EIF2AK2: variants seen among roughly 807,000 people sequenced by gnomAD.
EIF2AK2 encodes the protein eukaryotic translation initiation factor 2 alpha kinase 2.
A neutral mutation model predicts 70.5 loss-of-function variants in EIF2AK2; 40 were observed. That is an observed-to-expected ratio of 0.57 (90% CI 0.44 to 0.74). The LOEUF is 0.74. Among genes scored for constraint, EIF2AK2 ranks in the 30% least tolerant of loss-of-function variants. EIF2AK2 has a pLI of 0.00. For synonymous variants in EIF2AK2, 198 were observed against 220.9 expected (o/e 0.90, Z 0.92); for missense variants, 555 against 644.3 (o/e 0.86, Z 1.50).
At chr2:37,121,616 G>C (rs969109754) in intron 12 of EIF2AK2, among the ~76,000 whole-genome samples, 4 of 132,984 alleles carry the variant, frequency 3.0e-5, no homozygotes, top group Non-Finnish European at 4.7e-5. Context: ...TTGGAGGCTT[G>C]ATTTTTTTTT....
At position 37,138,579 on chromosome 2, in the gene EIF2AK2, C is replaced by A. The variant is rs1487152405; in HGVS notation, c.523G>T (p.Asp175Tyr). The change falls in exon 7 of 17, where the codon GAC becomes TAC. Residue 175 changes from aspartate (D) to tyrosine (Y), a missense_variant. Around this residue, in one of 3 missense-constraint regions of EIF2AK2, gnomAD observed 208 missense variants for 191.8 expected, o/e 1.08. Transcript: ENST00000233057. ...GCAAAAGAACCAGAGGACAGGTAGT[C>A]AGATTTCTGAAAGAAAAAGTATCCC... ...ILSEETSVKS[D>Y]YLSSGSFATT... 4.3e-6 allele frequency: 7 copies of A among 1,613,904 alleles called. No homozygotes were observed. Among genetic ancestry groups the A allele is most frequent in the Admixed American group, 3.3e-5 (2 of 59,980 alleles).
At chr2:37,114,644 G>A in intron 14 of EIF2AK2, 87 bp downstream of exon 14, 1 of 1,257,890 alleles carries the variant, frequency 7.9e-7, no homozygotes, top group Non-Finnish European at 1.0e-6. Context: ...CTTCTGTACA[G>A]TTTTAATTAT....
At chr2:37,135,647 G>C in intron 9 of EIF2AK2, 101 bp from the exon 10 acceptor site, 1 of 1,098,024 alleles carries the variant, frequency 9.1e-7, no homozygotes, top group Non-Finnish European at 1.3e-6. Flanking sequence ...TTTTTCTTCA[G>C]AGGCAAGGTC....
intron 8 of EIF2AK2, among the ~76,000 whole-genome samples, chr2:37,137,404 C>A (rs139885148): frequency 3.3e-5 from 5 of 152,142 alleles, no homozygotes; most frequent in African/African-American, 1.2e-4. Context: ...ACACTAATCA[C>A]CAAAAGCATG....
rs144979635 is a variant in EIF2AK2 at position 37,154,382 on chromosome 2, G to A, written c.-184+2526C>T. ...AAAAAAACATCAATTCAATCATGCA[G>A]TCTCCACAAGCCACTGAAATTGTTT... On this transcript the variant is annotated intron_variant, in intron 1 of 16. Coordinates refer to ENST00000233057, the MANE Select transcript of EIF2AK2 (RefSeq NM_001135651.3). Among the ~76,000 whole-genome samples, 770 of 151,934 alleles carry A rather than the reference G, an allele frequency of 5.1e-3. 6 individuals are homozygous for A. The highest frequency in any genetic ancestry group is 7.2e-3 in the Non-Finnish European group (492 of 67,958).
chr2:37,121,609 GA>G (rs145383962), intron 12 of EIF2AK2, among the ~76,000 whole-genome samples: 1 of 149,660 alleles, frequency 6.7e-6, no homozygotes, highest in African/African-American at 2.5e-5. Context: ...ACATAAATTG[GA>G]GGCTTGATTT....
At chr2:37,128,358 A>G (rs1674817613) in intron 10 of EIF2AK2, among the ~76,000 whole-genome samples, 1 of 152,182 alleles carries the variant, frequency 6.6e-6, no homozygotes, top group Admixed American at 6.5e-5. Context: ...AAGTGGATCA[A>G]TTCTAATTCC....
chr2:37,100,038 G>T lies in EIF2AK2; in HGVS notation c.*7235C>A, dbSNP rs1673787341. The T allele has an allele frequency of 1.3e-5, 2 of 152,152 alleles. No homozygotes were observed. Among genetic ancestry groups the T allele is most frequent in the African/African-American group, 4.8e-5 (2 of 41,432 alleles). The allele number at this position is 152,152 out of a possible 1,614,324, so 9.4% of individuals were successfully genotyped here. ...GGTTTCTTTTGGGGGTGAGAAAAATGATAGTTGCACAACTCTGAATATAGT... is the reference window on the plus strand; with the variant it reads ...GGTTTCTTTTGGGGGTGAGAAAAATTATAGTTGCACAACTCTGAATATAGT... On this transcript the variant is annotated 3_prime_UTR_variant, in exon 17 of 17. Coordinates refer to ENST00000233057, the MANE Select transcript of EIF2AK2 (RefSeq NM_001135651.3).
At chr2:37,123,622 A>C (rs1674631551) in intron 11 of EIF2AK2, among the ~76,000 whole-genome samples, 2 of 152,180 alleles carry the variant, frequency 1.3e-5, no homozygotes, top group Non-Finnish European at 2.9e-5. Context: ...ATTTGTGTTA[A>C]AATCTTTGTA....
intron 9 of EIF2AK2, 27 bp from the exon 10 acceptor site, chr2:37,135,573 C>G: frequency 6.4e-7 from 1 of 1,573,420 alleles, no homozygotes; most frequent in Non-Finnish European, 8.7e-7. Context: ...GAATGTAAAA[C>G]TCAAATAAAA....
intron 12 of EIF2AK2, 88 bp from the exon 13 acceptor site, chr2:37,120,227 CT>C: frequency 1.1e-6 from 1 of 936,364 alleles, no homozygotes; most frequent in Non-Finnish European, 1.4e-6. Flanking sequence ...TTTTTCATAA[CT>C]TTTTAAAAGC....
chr2:37,152,839 T>A (rs1397297439), intron 1 of EIF2AK2, among the ~76,000 whole-genome samples: 1 of 152,228 alleles, frequency 6.6e-6, no homozygotes, highest in Non-Finnish European at 1.5e-5. Flanking sequence ...GTACTGCATG[T>A]ATGATCTTCT....
chr2:37,100,368 T>C lies in EIF2AK2; in HGVS notation c.*6905A>G, dbSNP rs923326289. On this transcript the variant is annotated 3_prime_UTR_variant, in exon 17 of 17. Coordinates refer to ENST00000233057, the MANE Select transcript of EIF2AK2 (RefSeq NM_001135651.3). ...CCAGAACAGAAAGAGAATAAATGTG[T>C]GTTGTTTTAAACCACCAAGTTTGTG... 1.3e-5 allele frequency: 2 copies of C among 152,202 alleles called. No individual in the cohort carries two copies. The highest frequency in any genetic ancestry group is 3.9e-4 in the East Asian group (2 of 5,192). 9.4% of individuals were successfully genotyped at this position (152,202 alleles called of 1,614,324 possible).
At position 37,121,080 on chromosome 2, in the gene EIF2AK2, G is replaced by A. The variant is rs1242429651; in HGVS notation, c.1068-941C>T. ...AGATCAAGACCATCCTGGCTAACACGGTGAAATCCCGTCTCTACTAAAAAT... is the reference window on the plus strand; with the variant it reads ...AGATCAAGACCATCCTGGCTAACACAGTGAAATCCCGTCTCTACTAAAAAT... On this transcript the variant is annotated intron_variant, in intron 12 of 16. Transcript: ENST00000233057. Among the ~76,000 whole-genome samples, 6 of 148,654 alleles carry A rather than the reference G, an allele frequency of 4.0e-5. 1 individual carries two copies. The South Asian group carries it at 6.6e-4, about 16-fold the overall frequency.
At chr2:37,119,556 GA>G (rs779821633) in intron 13 of EIF2AK2, among the ~76,000 whole-genome samples, 1 of 151,096 alleles carries the variant, frequency 6.6e-6, no homozygotes, top group African/African-American at 2.4e-5. Context: ...TAAAACTAGA[GA>G]AAAAAATATA....
At chr2:37,133,137 C>T (rs1231295774) in intron 10 of EIF2AK2, among the ~76,000 whole-genome samples, 3 of 152,122 alleles carry the variant, frequency 2.0e-5, no homozygotes. Flanking sequence ...GAATGGCATT[C>T]TAAAAATCAC....
At chr2:37,146,731 A>C (rs1043262141) in intron 4 of EIF2AK2, 122 bp downstream of exon 4, 12 of 1,281,086 alleles carry the variant, frequency 9.4e-6, no homozygotes, top group Middle Eastern at 2.2e-4. Context: ...GACTTAACCA[A>C]ACTCTTGAAT....
intron 9 of EIF2AK2, 85 bp downstream of exon 9, chr2:37,136,898 C>T: frequency 1.6e-6 from 2 of 1,249,450 alleles, no homozygotes; most frequent in Middle Eastern, 2.1e-4. Context: ...TAAGGGTGTA[C>T]AATACTCTAC....
rs545997566 is a variant in EIF2AK2 at position 37,111,437 on chromosome 2, T to A, written c.1378-2142A>T. ...TTCTTCAGATGGAGTCTCATTCCTGTTGACCAGGCTGCAGTGCAATGGCGC... is the reference window on the plus strand; with the variant it reads ...TTCTTCAGATGGAGTCTCATTCCTGATGACCAGGCTGCAGTGCAATGGCGC... On this transcript the variant is annotated intron_variant, in intron 14 of 16. Coordinates refer to ENST00000233057, the MANE Select transcript of EIF2AK2 (RefSeq NM_001135651.3). Among the ~76,000 whole-genome samples the A allele has an allele frequency of 3.3e-5, 5 of 151,290 alleles. No individual in the cohort carries two copies. The East Asian group carries it at 9.7e-4, about 29-fold the overall frequency.
Sources: gnomAD v4.1 joint callset for allele counts (sites outside exome capture counted in the v4.1 genomes callset) on GRCh38, gnomAD v4.1.1 for gene constraint, gnomAD v4.1.1 regional missense constraint, MANE v1.5 for transcripts, NCBI Gene and HGNC (gene_info 2026-07-23, HGNC 2026-07-21) for gene names.